Variants in NPSR1 observed in about 807,000 individuals in gnomAD.
The protein encoded by NPSR1 is neuropeptide S receptor 1.
A neutral mutation model predicts 46.9 loss-of-function variants in NPSR1; 48 were observed. The ratio of observed to expected loss-of-function variants is 1.02; its 90% confidence interval spans 0.81 to 1.30. The LOEUF is 1.30. Among genes scored for constraint, NPSR1 ranks in the 50% most tolerant of loss-of-function variants. The probability of loss-of-function intolerance (pLI) is 0.00; values close to 1 mark genes in which losing one functional copy is unlikely to be tolerated. For synonymous variants in NPSR1, 176 were observed against 168.1 expected (o/e 1.05, Z -0.36); for missense variants, 450 against 449.5 (o/e 1.00, Z -0.01).
chr7:34,742,970 T>C (rs1785023459), intron 2 of NPSR1, among the ~76,000 whole-genome samples: 1 of 152,268 alleles, frequency 6.6e-6, no homozygotes, highest in Admixed American at 6.5e-5. Context: ...AAAGTGTCTG[T>C]TCATGTCTTT....
Position 34,834,386 on chromosome 7 carries a change from T to C in NPSR1, c.683T>C (p.Ile228Thr). ...ACTACCTTTGGTTCTTTCTGCAGCA[T>C]CATGTATGGCATTGTGATCCGAACT... ...VYFIPLTIIS[I>T]MYGIVIRTIW... Residue 228 changes from isoleucine (I) to threonine (T), a missense_variant and splice_region_variant, in exon 6 of 9, where the codon ATC (isoleucine) becomes ACC (threonine). By Grantham distance (89) the Ile-to-Thr change is moderately conservative. Coordinates refer to ENST00000360581, the MANE Select transcript of NPSR1 (RefSeq NM_207172.2). 6.2e-7 allele frequency: 1 copy of C among 1,612,992 alleles called. No homozygotes were observed. Among genetic ancestry groups the C allele is most frequent in the Middle Eastern group, 1.6e-4 (1 of 6,062 alleles).
At chr7:34,821,155 G>C (rs1366635013) in intron 4 of NPSR1, among the ~76,000 whole-genome samples, 1 of 80,762 alleles carries the variant, frequency 1.2e-5, no homozygotes, top group Non-Finnish European at 2.4e-5. Context: ...TTTTTTTTTA[G>C]ACAGAGTCTC....
intron 3 of NPSR1, among the ~76,000 whole-genome samples, chr7:34,791,161 T>TATATA (rs1787841174): frequency 1.6e-5 from 2 of 123,482 alleles, no homozygotes; most frequent in Non-Finnish European, 3.2e-5. Context: ...TTATATATTA[T>TATATA]ATATGTTATA....
chr7:34,770,550 TG>T (rs1786631817), intron 2 of NPSR1, among the ~76,000 whole-genome samples: 1 of 152,162 alleles, frequency 6.6e-6, no homozygotes, highest in Admixed American at 6.6e-5. Flanking sequence ...GGAAAGCTTC[TG>T]GAGCATGGGA....
chr7:34,772,631 TG>T (rs1786739085), intron 2 of NPSR1, among the ~76,000 whole-genome samples: 1 of 152,134 alleles, frequency 6.6e-6, no homozygotes, highest in African/African-American at 2.4e-5. Flanking sequence ...ATGACAATAA[TG>T]AAGACTCAAT....
intron 2 of NPSR1, among the ~76,000 whole-genome samples, chr7:34,775,351 C>T (rs953679507): frequency 7.9e-5 from 12 of 152,038 alleles, no homozygotes; most frequent in Non-Finnish European, 1.2e-4. Context: ...ATATTGGCCT[C>T]GTAGAATGAG....
chr7:34,742,713 C>A (rs1785009468), intron 2 of NPSR1, among the ~76,000 whole-genome samples: 1 of 152,064 alleles, frequency 6.6e-6, no homozygotes, highest in African/African-American at 2.4e-5. Flanking sequence ...CAAATGGTAG[C>A]CCTGCTTTCA....
intron 1 of NPSR1, among the ~76,000 whole-genome samples, chr7:34,670,309 G>C (rs1791985838): frequency 6.6e-6 from 1 of 151,966 alleles, no homozygotes; most frequent in Non-Finnish European, 1.5e-5. Context: ...TGAAAATAAA[G>C]TCCTGGTACA....
intron 1 of NPSR1, among the ~76,000 whole-genome samples, chr7:34,665,535 C>T (rs531403098): frequency 1.8e-4 from 28 of 152,330 alleles, no homozygotes; most frequent in Non-Finnish European, 3.8e-4. Flanking sequence ...CTCTACTCCT[C>T]TCTTCACATC....
At position 34,848,668 on chromosome 7, in the gene NPSR1, G is replaced by A. The variant is rs916052037; in HGVS notation, c.1025+5G>A. 8.7e-6 allele frequency: 14 copies of A among 1,612,856 alleles called. No homozygotes were observed. Among genetic ancestry groups the A allele is most frequent in the Admixed American group, 1.7e-5 (1 of 59,982 alleles). On this transcript the variant is annotated splice_donor_5th_base_variant and intron_variant, in intron 8 of 8. Coordinates refer to ENST00000360581, the MANE Select transcript of NPSR1 (RefSeq NM_207172.2). ...CTCCATCTCTTTCCCCTGCAGGTAA[G>A]GGGAGCTCTTGCATGGGTCAGACAC...
At chr7:34,738,888 T>C (rs1001299770) in intron 2 of NPSR1, among the ~76,000 whole-genome samples, 1 of 152,122 alleles carries the variant, frequency 6.6e-6, no homozygotes, top group African/African-American at 2.4e-5. Context: ...TCAGAACCAT[T>C]AAACAGTCAC....
intron 5 of NPSR1, among the ~76,000 whole-genome samples, chr7:34,829,917 C>G (rs1048214605): frequency 6.6e-6 from 1 of 152,246 alleles, no homozygotes; most frequent in African/African-American, 2.4e-5. Flanking sequence ...TCAGCCATGA[C>G]CTCCAGCCAT....
intron 2 of NPSR1, among the ~76,000 whole-genome samples, chr7:34,760,080 AT>A (rs1786089048): frequency 6.6e-6 from 1 of 152,204 alleles, no homozygotes; most frequent in Non-Finnish European, 1.5e-5. Flanking sequence ...TGTTAATCAA[AT>A]ATATTGGATT....
At chr7:34,675,622 G>A (rs1166397003) in intron 1 of NPSR1, among the ~76,000 whole-genome samples, 1 of 152,228 alleles carries the variant, frequency 6.6e-6, no homozygotes, top group Non-Finnish European at 1.5e-5. Context: ...CTTAGTGCCT[G>A]CCAGCATGGG....
chr7:34,848,708 C>G, intron 8 of NPSR1, 45 bp downstream of exon 8: 1 of 1,540,490 alleles, frequency 6.5e-7, no homozygotes, highest in Admixed American at 1.7e-5. Context: ...ATGGCCATTG[C>G]ACTGGGATTC....
chr7:34,781,766 C>T (rs564903820), intron 3 of NPSR1, among the ~76,000 whole-genome samples: 1 of 152,336 alleles, frequency 6.6e-6, no homozygotes, highest in Admixed American at 6.5e-5. Flanking sequence ...GGAATGCCCA[C>T]ACTCCAGACT....
intron 2 of NPSR1, chr7:34,685,860 C>T (rs990832526): frequency 1.1e-4 from 24 of 225,712 alleles, no homozygotes; most frequent in South Asian, 9.4e-4. Context: ...GAAGATGGAA[C>T]CTGGGATGGG....
chr7:34,811,758 T>A lies in NPSR1; in HGVS notation c.385-12T>A. ...TCTGAAGTCATAAGCTTCCTCTCAT[T>A]TCTGTCTTTAGGTTGTGCTGCTCTA... On this transcript the variant is annotated splice_polypyrimidine_tract_variant and intron_variant, in intron 3 of 8. Transcript: ENST00000360581. The A allele has an allele frequency of 6.3e-7, 1 of 1,589,664 alleles. No homozygotes were observed. The highest frequency in any genetic ancestry group is 8.6e-7 in the Non-Finnish European group (1 of 1,163,000).
chr7:34,690,137 T>C (rs1793174975), intron 2 of NPSR1, among the ~76,000 whole-genome samples: 1 of 151,784 alleles, frequency 6.6e-6, no homozygotes, highest in Non-Finnish European at 1.5e-5. Flanking sequence ...AGACTACCCA[T>C]TACCAAGAAA....
Sources: allele counts gnomAD v4.1 joint callset (sites outside exome capture counted in the v4.1 genomes callset), GRCh38; gene constraint gnomAD v4.1.1; transcripts MANE v1.5; gene names NCBI Gene and HGNC (gene_info 2026-07-23, HGNC 2026-07-21).